SCEL: variants seen among roughly 807,000 people sequenced by gnomAD.
SCEL encodes the protein sciellin.
A neutral mutation model predicts 117.6 loss-of-function variants in SCEL; 113 were observed. The observed-to-expected ratio is 0.96, with a 90% CI of 0.83 to 1.12. The LOEUF is 1.12. Among genes scored for constraint, SCEL ranks in the 50% most tolerant of loss-of-function variants. The pLI is 0.00. For missense variants in SCEL, 785 were observed against 810.8 expected (o/e 0.97, Z 0.39); for synonymous variants, 270 against 256.2 (o/e 1.05, Z -0.51).
At chr13:77,578,268 T>C (rs943277680) in intron 9 of SCEL, among the ~76,000 whole-genome samples, 2 of 151,960 alleles carry the variant, frequency 1.3e-5, no homozygotes, top group South Asian at 2.1e-4. Context: ...GTTTTGCTTC[T>C]GAGGGAGTCA....
intron 22 of SCEL, among the ~76,000 whole-genome samples, chr13:77,610,400 C>T (rs553411381): frequency 4.0e-5 from 6 of 149,728 alleles, no homozygotes; most frequent in South Asian, 2.1e-4. Flanking sequence ...TGCAGTGAGC[C>T]GAGATGGCAC....
At chr13:77,562,544 G>A (rs77199682) in intron 4 of SCEL, among the ~76,000 whole-genome samples, 4,313 of 152,246 alleles carry the variant, frequency 0.028, 175 homozygotes, top group African/African-American at 0.098. Flanking sequence ...CCTCTGGTTT[G>A]TATACCTAGA....
intron 1 of SCEL, among the ~76,000 whole-genome samples, chr13:77,544,872 A>G (rs2083908149): frequency 1.3e-5 from 2 of 152,210 alleles, no homozygotes; most frequent in African/African-American, 2.4e-5. Context: ...TGTAAAACCT[A>G]AAGACAAATG....
chr13:77,637,843 T>C (rs541291709), intron 30 of SCEL, among the ~76,000 whole-genome samples: 12 of 152,284 alleles, frequency 7.9e-5, no homozygotes, highest in African/African-American at 2.9e-4. Context: ...TGAGTATTGA[T>C]TGAGTGCTGG....
intron 9 of SCEL, among the ~76,000 whole-genome samples, chr13:77,578,211 G>A (rs981610106): frequency 7.9e-5 from 12 of 152,078 alleles, no homozygotes; most frequent in African/African-American, 2.9e-4. Context: ...ATGACCATGA[G>A]GTAGCAGAGG....
At chr13:77,581,173 T>G (rs2086242299) in intron 9 of SCEL, among the ~76,000 whole-genome samples, 1 of 152,180 alleles carries the variant, frequency 6.6e-6, no homozygotes, top group South Asian at 2.1e-4. Flanking sequence ...GAAATTAAGA[T>G]TCTATGACAC....
At chr13:77,544,142 A>G (rs1289744719) in intron 1 of SCEL, among the ~76,000 whole-genome samples, 1 of 152,184 alleles carries the variant, frequency 6.6e-6, no homozygotes, top group African/African-American at 2.4e-5. Context: ...TATAAGCTCA[A>G]AATAGTTATT....
At chr13:77,609,341 G>A (rs1273398774) in intron 21 of SCEL, among the ~76,000 whole-genome samples, 1 of 152,138 alleles carries the variant, frequency 6.6e-6, no homozygotes, top group African/African-American at 2.4e-5. Context: ...GTTTTCCCAG[G>A]ATGGACTGGA....
At chr13:77,540,364 C>T (rs1162817617) in intron 1 of SCEL, among the ~76,000 whole-genome samples, 1 of 151,646 alleles carries the variant, frequency 6.6e-6, no homozygotes, top group East Asian at 1.9e-4. Flanking sequence ...TGTGTGTATA[C>T]TTGTGGGTTG....
chr13:77,612,243 GC>G (rs1340637956), intron 22 of SCEL, among the ~76,000 whole-genome samples: 1 of 152,092 alleles, frequency 6.6e-6, no homozygotes, highest in Non-Finnish European at 1.5e-5. Context: ...TGTGATAACA[GC>G]AGCATCTCTG....
intron 9 of SCEL, among the ~76,000 whole-genome samples, chr13:77,588,336 T>C (rs1055308982): frequency 2.0e-5 from 3 of 152,178 alleles, no homozygotes; most frequent in African/African-American, 7.2e-5. Context: ...GCAGCCTGAC[T>C]CTAGCCCACA....
intron 27 of SCEL, among the ~76,000 whole-genome samples, chr13:77,618,289 T>A (rs998324033): frequency 2.0e-5 from 3 of 152,100 alleles, no homozygotes; most frequent in African/African-American, 7.2e-5. Flanking sequence ...CAGGTGGTCC[T>A]CCTGCCTCAG....
chr13:77,574,540 T>C (rs886363520), intron 9 of SCEL, among the ~76,000 whole-genome samples: 3 of 152,280 alleles, frequency 2.0e-5, no homozygotes, highest in Admixed American at 1.3e-4. Context: ...ATAATAACAA[T>C]ATAGCAATGC....
At chr13:77,612,812 GATTAAT>G (rs1211695337) in intron 22 of SCEL, 73 bp from the exon 23 acceptor site, 2 of 780,338 alleles carry the variant, frequency 2.6e-6, no homozygotes, top group Non-Finnish European at 4.1e-6. Flanking sequence ...CAGGTCATTT[GATTAAT>G]ATTAAGGTTG....
chr13:77,573,648 TC>T (rs2085771574), intron 9 of SCEL, among the ~76,000 whole-genome samples: 1 of 147,242 alleles, frequency 6.8e-6, no homozygotes, highest in African/African-American at 2.6e-5. Context: ...CATCTATCTA[TC>T]TATCTATCTA....
At chr13:77,585,830 C>T (rs1170935077) in intron 9 of SCEL, among the ~76,000 whole-genome samples, 1 of 152,184 alleles carries the variant, frequency 6.6e-6, no homozygotes, top group Non-Finnish European at 1.5e-5. Context: ...AAATCCTCCA[C>T]TCTTCAGCCT....
intron 19 of SCEL, among the ~76,000 whole-genome samples, chr13:77,605,000 A>C (rs2088034385): frequency 6.6e-6 from 1 of 152,094 alleles, no homozygotes; most frequent in African/African-American, 2.4e-5. Flanking sequence ...GTGTATTTAA[A>C]GATGAAGAGC....
chr13:77,579,234 G>A (rs556914987), intron 9 of SCEL, among the ~76,000 whole-genome samples: 3 of 152,260 alleles, frequency 2.0e-5, no homozygotes, highest in Non-Finnish European at 4.4e-5. Context: ...TTCTCATTTA[G>A]CAATTAATTG....
chr13:77,575,894 T>C (rs903267857), intron 9 of SCEL, among the ~76,000 whole-genome samples: 1 of 152,248 alleles, frequency 6.6e-6, no homozygotes, highest in African/African-American at 2.4e-5. Flanking sequence ...TTTCTTTTCA[T>C]TTTAATCAAG....
Sources: gnomAD v4.1 joint callset for allele counts (sites outside exome capture counted in the v4.1 genomes callset) on GRCh38, gnomAD v4.1.1 for gene constraint, MANE v1.5 for transcripts, NCBI Gene and HGNC (gene_info 2026-07-23, HGNC 2026-07-21) for gene names.